Variants in RETREG1 observed in about 807,000 individuals in gnomAD.
RETREG1 encodes the protein family with sequence similarity 134 member B.
RETREG1 carries 44 observed loss-of-function variants against 54.8 expected under a neutral mutation model. The ratio of observed to expected loss-of-function variants is 0.80; its 90% CI spans 0.63 to 1.03. The LOEUF (loss-of-function observed/expected upper bound fraction) is 1.03, where lower values mean the gene tolerates loss of function less well. Ranked by LOEUF, RETREG1 falls within the 50% of genes least tolerant of loss-of-function variation. The pLI is 0.00. For synonymous variants in RETREG1, 217 were observed against 238.5 expected (o/e 0.91, Z 0.83); for missense variants, 554 against 605.1 (o/e 0.92, Z 0.89).
chr5:16,562,990 G>T (rs968700275), intron 3 of RETREG1, among the ~76,000 whole-genome samples: 5 of 152,112 alleles, frequency 3.3e-5, no homozygotes, highest in Admixed American at 1.3e-4. Flanking sequence ...GGGGGGATGG[G>T]GGGGACTGTT....
chr5:16,613,791 C>T (rs1168267065), intron 1 of RETREG1, among the ~76,000 whole-genome samples: 1 of 151,894 alleles, frequency 6.6e-6, no homozygotes, highest in Non-Finnish European at 1.5e-5. Context: ...TTTAGAGTTC[C>T]CAAGACACAG....
At chr5:16,559,840 A>G (rs939587312) in intron 3 of RETREG1, among the ~76,000 whole-genome samples, 1 of 152,382 alleles carries the variant, frequency 6.6e-6, no homozygotes, top group Admixed American at 6.5e-5. Flanking sequence ...TCATGCAGAA[A>G]GGAAAAACTA....
intron 3 of RETREG1, among the ~76,000 whole-genome samples, chr5:16,539,071 T>C (rs1741163644): frequency 6.6e-6 from 1 of 152,148 alleles, no homozygotes; most frequent in Non-Finnish European, 1.5e-5. Context: ...ACTGAAGTCA[T>C]CTCTCCAGAC....
Position 16,568,635 on chromosome 5 carries a change from C to T in RETREG1, c.428-2842G>A, listed in dbSNP as rs575447429. On this transcript the variant is annotated intron_variant, in intron 2 of 8. Coordinates refer to ENST00000306320, the MANE Select transcript of RETREG1 (RefSeq NM_001034850.3). The stretch of plus-strand genomic sequence containing the variant: ...GGTATCAAAGATTGTAACTGGGAGT[C>T]GTCAAAGTCATAGAAGCAGAAAGTA... Among the ~76,000 whole-genome samples, 115 of 151,930 alleles carry T rather than the reference C, an allele frequency of 7.6e-4. 2 individuals carry two copies. The highest frequency in any genetic ancestry group is 2.6e-3 in the African/African-American group (106 of 41,410).
At position 16,582,392 on chromosome 5, in the gene RETREG1, TA is replaced by T. The variant is rs200149620; in HGVS notation, c.321-10291del. On this transcript the variant is annotated intron_variant, in intron 1 of 8. Transcript: ENST00000306320. The stretch of plus-strand genomic sequence containing the variant: ...TTTTCTTACTATTTTTTATTTCTCC[TA>T]TTTTTTTTTTCTATTCCATTCCCAG... Among the ~76,000 whole-genome samples the T allele has an allele frequency of 2.6e-3, 368 of 140,020 alleles. 1 individual carries two copies. Among genetic ancestry groups the T allele is most frequent in the African/African-American group, 1.0e-2 (325 of 32,530 alleles). 91.9% of individuals were successfully genotyped at this position (140,020 alleles called of 152,430 possible). A position where few individuals can be genotyped will look rare whatever the true frequency, so the allele number is the denominator to read the frequency against.
chr5:16,557,486 T>G (rs961447266), intron 3 of RETREG1, among the ~76,000 whole-genome samples: 1 of 152,238 alleles, frequency 6.6e-6, no homozygotes, highest in African/African-American at 2.4e-5. Context: ...AAACTGCATG[T>G]AGAACTTGGA....
intron 1 of RETREG1, among the ~76,000 whole-genome samples, chr5:16,612,119 A>G (rs1743361420): frequency 6.6e-6 from 1 of 152,122 alleles, no homozygotes; most frequent in South Asian, 2.1e-4. Flanking sequence ...CCATTTATAC[A>G]AAGCTTTAGG....
chr5:16,521,323 A>G (rs1234203496), intron 3 of RETREG1, among the ~76,000 whole-genome samples: 2 of 152,124 alleles, frequency 1.3e-5, no homozygotes, highest in African/African-American at 4.8e-5. Flanking sequence ...GTAAAAACCA[A>G]ATTCCCTAGG....
intron 3 of RETREG1, among the ~76,000 whole-genome samples, chr5:16,496,861 AACTCT>A (rs1739483148): frequency 6.6e-6 from 1 of 152,202 alleles, no homozygotes; most frequent in South Asian, 2.1e-4. Context: ...TTGGCTATAC[AACTCT>A]GCCACTGTAG....
chr5:16,523,832 G>A (rs761893647), intron 3 of RETREG1, among the ~76,000 whole-genome samples: 14 of 152,072 alleles, frequency 9.2e-5, no homozygotes, highest in East Asian at 1.9e-4. Flanking sequence ...GTGAAGACTC[G>A]TGTGTTTTCA....
At chr5:16,560,589 G>A (rs542645065) in intron 3 of RETREG1, among the ~76,000 whole-genome samples, 1 of 152,318 alleles carries the variant, frequency 6.6e-6, no homozygotes, top group African/African-American at 2.4e-5. Context: ...TGTAGCCAAA[G>A]GGCAGTTGGA....
intron 3 of RETREG1, among the ~76,000 whole-genome samples, chr5:16,546,228 C>T (rs903994811): frequency 6.6e-6 from 1 of 152,038 alleles, no homozygotes; most frequent in African/African-American, 2.4e-5. Flanking sequence ...AGTACACTGA[C>T]ATAAACACAG....
At chr5:16,547,617 T>C (rs540280996) in intron 3 of RETREG1, among the ~76,000 whole-genome samples, 1 of 152,328 alleles carries the variant, frequency 6.6e-6, no homozygotes, top group African/African-American at 2.4e-5. Flanking sequence ...AAAGAATATA[T>C]CTGATTCTTC....
At chr5:16,556,164 C>T (rs7725782) in intron 3 of RETREG1, among the ~76,000 whole-genome samples, 2 of 145,704 alleles carry the variant, frequency 1.4e-5, no homozygotes, top group Non-Finnish European at 1.5e-5. Context: ...TTTTTTTTTT[C>T]TTTTTTTTTT....
rs139161033 is a variant in RETREG1, at chr5:16,535,612, C to T, written c.458+30151G>A. On this transcript the variant is annotated intron_variant, in intron 3 of 8. Transcript: ENST00000306320. ...GTGGGAGCTGGGGTTCCTGTGTACA[C>T]GCTGCCTTCACGAAGTGGGAGCTGG... Among the ~76,000 whole-genome samples the T allele has an allele frequency of 2.0e-3, 295 of 146,552 alleles. 2 individuals are homozygous for T. The highest frequency in any genetic ancestry group is 6.4e-3 in the African/African-American group (249 of 38,620).
At chr5:16,602,121 T>C (rs936777532) in intron 1 of RETREG1, among the ~76,000 whole-genome samples, 2 of 152,152 alleles carry the variant, frequency 1.3e-5, no homozygotes, top group African/African-American at 2.4e-5. Context: ...GCTCTCCCCA[T>C]ACAGAGGAGT....
chr5:16,541,271 G>A (rs975285916), intron 3 of RETREG1, among the ~76,000 whole-genome samples: 1 of 152,164 alleles, frequency 6.6e-6, no homozygotes, highest in Non-Finnish European at 1.5e-5. Context: ...CCAGAACAGT[G>A]AGCAATAAAT....
At chr5:16,565,916 A>G (rs1741994813) in intron 2 of RETREG1, 123 bp from the exon 3 acceptor site, 2 of 1,031,206 alleles carry the variant, frequency 1.9e-6, no homozygotes, top group East Asian at 2.6e-5. Context: ...CACTCAGGAC[A>G]CCATCAAGTC....
chr5:16,614,266 CAT>C (rs1366219548), intron 1 of RETREG1, among the ~76,000 whole-genome samples: 1 of 152,124 alleles, frequency 6.6e-6, no homozygotes, highest in African/African-American at 2.4e-5. Context: ...GTTTGCAACT[CAT>C]GTTACAGAAA....
Sources: gnomAD v4.1 joint callset for allele counts (sites outside exome capture counted in the v4.1 genomes callset) on GRCh38, gnomAD v4.1.1 for gene constraint, MANE v1.5 for transcripts, NCBI Gene and HGNC (gene_info 2026-07-23, HGNC 2026-07-21) for gene names.